The following TRHDE variants were observed in gnomAD, a reference collection of about 807,000 sequenced individuals.
TRHDE encodes the protein thyrotropin-releasing hormone-degrading ectoenzyme.
A neutral mutation model predicts 125.7 loss-of-function variants in TRHDE; 72 were observed. That is an observed-to-expected ratio of 0.57 (90% CI 0.47 to 0.70). The LOEUF (loss-of-function observed/expected upper bound fraction) is 0.70. Among genes scored for constraint, TRHDE ranks in the 30% least tolerant of loss-of-function variants. The pLI, the probability that TRHDE is intolerant of heterozygous loss-of-function variation, is 0.00. For missense variants in TRHDE, 1,110 were observed against 1,327.1 expected (o/e 0.84, Z 2.54); for synonymous variants, 509 against 509.1 (o/e 1.00, Z 0.00).
chr12:72,213,672 C>T (rs1468989130), intron 2 of TRHDE, among the ~76,000 whole-genome samples: 2 of 152,068 alleles, frequency 1.3e-5, no homozygotes, highest in Non-Finnish European at 2.9e-5. Context: ...ACTTATATGC[C>T]TGGATTTGTA....
chr12:72,533,140 T>G (rs1220147708), intron 6 of TRHDE, among the ~76,000 whole-genome samples: 3 of 152,274 alleles, frequency 2.0e-5, no homozygotes, highest in African/African-American at 7.2e-5. Context: ...AAACCATTAC[T>G]TCTTCTTTAG....
intron 5 of TRHDE, among the ~76,000 whole-genome samples, chr12:72,494,292 T>C (rs1421913671): frequency 2.0e-5 from 3 of 151,990 alleles, no homozygotes; most frequent in African/African-American, 4.8e-5. Flanking sequence ...TTCTAGAAAA[T>C]TGAGTATTTG....
chr12:72,148,843 C>T (rs1051848418), intron 2 of TRHDE, among the ~76,000 whole-genome samples: 5 of 152,124 alleles, frequency 3.3e-5, no homozygotes, highest in South Asian at 2.1e-4. Flanking sequence ...TTTGTGAAAG[C>T]GACTATCTTG....
intron 2 of TRHDE, among the ~76,000 whole-genome samples, chr12:72,147,162 G>A (rs1474149414): frequency 6.6e-6 from 1 of 152,026 alleles, no homozygotes; most frequent in Non-Finnish European, 1.5e-5. Context: ...TTTTGGGCAC[G>A]AAAACAGAAA....
At chr12:72,641,148 T>C (rs1874042025) in intron 15 of TRHDE, among the ~76,000 whole-genome samples, 1 of 152,166 alleles carries the variant, frequency 6.6e-6, no homozygotes, top group African/African-American at 2.4e-5. Context: ...TGCCAAAAAC[T>C]TGCTTAGAAA....
chr12:72,363,912 C>A (rs1407098567), intron 2 of TRHDE, among the ~76,000 whole-genome samples: 1 of 151,984 alleles, frequency 6.6e-6, no homozygotes, highest in African/African-American at 2.4e-5. Context: ...TGATAAGCAA[C>A]TTCAGCAAAG....
At chr12:72,433,504 T>A (rs1054003946) in intron 3 of TRHDE, among the ~76,000 whole-genome samples, 1 of 151,976 alleles carries the variant, frequency 6.6e-6, no homozygotes, top group African/African-American at 2.4e-5. Context: ...TCCCCGAGCA[T>A]GGAGCCTTTG....
At chr12:72,277,376 A>C (rs1879524992) in intron 1 of TRHDE, among the ~76,000 whole-genome samples, 1 of 152,202 alleles carries the variant, frequency 6.6e-6, no homozygotes, top group Non-Finnish European at 1.5e-5. Flanking sequence ...AATACAAACA[A>C]GAAATTCACT....
chr12:72,094,217 G>A (rs942509946), intron 1 of TRHDE, among the ~76,000 whole-genome samples: 1 of 152,128 alleles, frequency 6.6e-6, no homozygotes, highest in Non-Finnish European at 1.5e-5. Flanking sequence ...GACACCAGGT[G>A]CACTGACAAT....
At chr12:72,411,674 A>G (rs891331795) in intron 3 of TRHDE, among the ~76,000 whole-genome samples, 2 of 152,158 alleles carry the variant, frequency 1.3e-5, no homozygotes, top group African/African-American at 4.8e-5. Context: ...TCAAAGGGTC[A>G]AGAAAAGCCA....
intron 3 of TRHDE, among the ~76,000 whole-genome samples, chr12:72,443,192 C>CTCTGTGTGTGTG (rs1555186460): frequency 4.2e-5 from 6 of 144,416 alleles, no homozygotes; most frequent in African/African-American, 1.5e-4. Flanking sequence ...TACTTCTTTC[C>CTCTGTGTGTGTG]TGTGTGTGTG....
Position 72,272,914 on chromosome 12 carries a change from G to C in TRHDE, c.271G>C (p.Val91Leu). 1 of 1,578,896 alleles carries C rather than the reference G, an allele frequency of 6.3e-7. No homozygotes were observed. The highest frequency in any genetic ancestry group is 8.5e-7 in the Non-Finnish European group (1 of 1,170,462). The part of the protein sequence containing the change: ...VHKRLVLAFA[V>L]SLVALLAVTM... ...CAAGCGGCTTGTGCTGGCCTTCGCT[G>C]TGTCCCTCGTGGCATTGCTCGCGGT... Residue 91 changes from valine to leucine, a missense_variant, in exon 1 of 19, where the codon GTG becomes CTG. Around this residue, in one of 5 missense-constraint regions of TRHDE, gnomAD observed 248 missense variants for 240.8 expected, o/e 1.03. Transcript: ENST00000261180. This position sits in a 1 kb window ranked among gnomAD's most constrained non-coding sequence, Gnocchi z 6.7.
chr12:72,156,912 ATGTT>A (rs1451948945), intron 2 of TRHDE, among the ~76,000 whole-genome samples: 3 of 152,170 alleles, frequency 2.0e-5, no homozygotes, highest in African/African-American at 7.2e-5. Flanking sequence ...ACATAATAGA[ATGTT>A]TGGTAGCAAT....
At chr12:72,441,562 C>T (rs368809168) in intron 3 of TRHDE, among the ~76,000 whole-genome samples, 34 of 151,920 alleles carry the variant, frequency 2.2e-4, no homozygotes, top group African/African-American at 5.5e-4. Context: ...CCTTTTAATC[C>T]TTCTGGAGAA....
rs187582321 is a variant in TRHDE at position 72,281,441 on chromosome 12, G to T, written c.915-5240G>T. 1.6e-3 allele frequency among the ~76,000 whole-genome samples: 246 copies of T among 152,294 alleles called. 1 individual carries two copies. In the Middle Eastern group the frequency reaches 0.017, roughly 11 times the overall value. On this transcript the variant is annotated intron_variant, in intron 1 of 18. Transcript: ENST00000261180. ...ACTGCAATCAGTTGAATAGTAACTAGATGTTCCATTGAAACTTTTCTTTAG... is the reference window on the plus strand; with the variant it reads ...ACTGCAATCAGTTGAATAGTAACTATATGTTCCATTGAAACTTTTCTTTAG...
chr12:72,354,454 T>C (rs946882900), intron 2 of TRHDE, among the ~76,000 whole-genome samples: 1 of 151,238 alleles, frequency 6.6e-6, no homozygotes, highest in African/African-American at 2.4e-5. Context: ...GGCAGAAATT[T>C]AGTTTTATTT....
intron 2 of TRHDE, among the ~76,000 whole-genome samples, chr12:72,168,766 A>C (rs1876808565): frequency 6.6e-6 from 1 of 152,092 alleles, no homozygotes; most frequent in East Asian, 1.9e-4. Flanking sequence ...TATTCTTTTG[A>C]GAAGGTAAAC....
At chr12:72,197,274 C>T (rs1040968185) in intron 2 of TRHDE, among the ~76,000 whole-genome samples, 1 of 152,080 alleles carries the variant, frequency 6.6e-6, no homozygotes, top group African/African-American at 2.4e-5. Context: ...TGAAGCCTTC[C>T]CATTCTACTC....
chr12:72,187,479 T>G, intron 2 of TRHDE, among the ~76,000 whole-genome samples: 1 of 133,738 alleles, frequency 7.5e-6, no homozygotes, highest in Non-Finnish European at 1.6e-5. Context: ...GTTGTGGTCG[T>G]GGTGGTGGTG....
Sources: gnomAD v4.1 joint callset for allele counts (sites outside exome capture counted in the v4.1 genomes callset) on GRCh38, gnomAD v4.1.1 for gene constraint, gnomAD v4.1.1 regional missense constraint, Gnocchi (gnomAD v3.1) non-coding constraint, MANE v1.5 for transcripts, NCBI Gene and HGNC (gene_info 2026-07-23, HGNC 2026-07-21) for gene names.